KIAA0232: variants seen among roughly 807,000 people sequenced by gnomAD.
KIAA0232 encodes uncharacterized protein KIAA0232.
KIAA0232 carries 27 observed loss-of-function variants against 122.0 expected under a neutral mutation model. The observed-to-expected ratio is 0.22, with a 90% CI of 0.16 to 0.31. The LOEUF (loss-of-function observed/expected upper bound fraction) is 0.31, where lower values mean the gene tolerates loss of function less well. KIAA0232 is among the 10% of genes least tolerant of loss of function. KIAA0232 has a pLI of 1.00. For missense variants in KIAA0232, 1,551 were observed against 1,634.2 expected (o/e 0.95, Z 0.88); for synonymous variants, 613 against 587.6 (o/e 1.04, Z -0.63).
intron 1 of KIAA0232, among the ~76,000 whole-genome samples, chr4:6,784,797 G>T (rs1716541761): frequency 6.6e-6 from 1 of 152,114 alleles, no homozygotes; most frequent in African/African-American, 2.4e-5. Flanking sequence ...ATTTCCATAG[G>T]AAGTAGAATT....
At chr4:6,844,219 C>T (rs972219064) in intron 4 of KIAA0232, among the ~76,000 whole-genome samples, 10 of 151,762 alleles carry the variant, frequency 6.6e-5, no homozygotes, top group Non-Finnish European at 1.2e-4. Flanking sequence ...GGATTACAGG[C>T]GTGAGCCACC....
rs1458330396 is a variant in KIAA0232 at position 6,864,053 on chromosome 4, A to G, written c.3671A>G (p.Glu1224Gly). 14 of 1,614,094 alleles carry G rather than the reference A, an allele frequency of 8.7e-6. No individual in the cohort carries two copies. Among genetic ancestry groups the G allele is most frequent in the Non-Finnish European group, 1.2e-5 (14 of 1,180,038 alleles). The change falls in exon 7 of 10, where the codon GAA becomes GGA. Residue 1224 changes from glutamate (E) to glycine (G), a missense_variant. Glu to Gly is a moderately conservative substitution (Grantham distance 98). Coordinates refer to ENST00000307659, the MANE Select transcript of KIAA0232 (RefSeq NM_014743.3). The stretch of plus-strand genomic sequence containing the variant: ...AATGAATCCCTGGAAATAGATTTAG[A>G]AAGCTCAGAAGCAAATTGTAAAATA... The part of the protein sequence containing the change: ...SMNESLEIDL[E>G]SSEANCKIMA...
intron 2 of KIAA0232, among the ~76,000 whole-genome samples, chr4:6,807,206 C>G (rs1717674366): frequency 6.6e-6 from 1 of 152,170 alleles, no homozygotes; most frequent in South Asian, 2.1e-4. Context: ...AGCTTTTCTT[C>G]CTTATCTTTT....
chr4:6,856,073 T>A (rs1343834497), intron 4 of KIAA0232, among the ~76,000 whole-genome samples: 1 of 152,166 alleles, frequency 6.6e-6, no homozygotes, highest in African/African-American at 2.4e-5. Context: ...TCTAGATGTT[T>A]ACAATTAACT....
At chr4:6,879,727 C>G (rs1422387624) in intron 9 of KIAA0232, among the ~76,000 whole-genome samples, 2 of 152,146 alleles carry the variant, frequency 1.3e-5, no homozygotes, top group Non-Finnish European at 2.9e-5. Flanking sequence ...GGAGACAGTC[C>G]GACACCACAG....
chr4:6,796,114 G>A (rs1338381602), intron 1 of KIAA0232, among the ~76,000 whole-genome samples: 1 of 152,160 alleles, frequency 6.6e-6, no homozygotes. Flanking sequence ...ATTAGAACTT[G>A]AGTAAAAGGA....
At chr4:6,866,359 G>A (rs528282332) in intron 7 of KIAA0232, 62 of 265,162 alleles carry the variant, frequency 2.3e-4, no homozygotes, top group Middle Eastern at 1.9e-3. Context: ...GGGATTGTCT[G>A]ATAGTTTAGA....
intron 3 of KIAA0232, among the ~76,000 whole-genome samples, chr4:6,829,631 T>G (rs1718866463): frequency 1.3e-5 from 2 of 152,218 alleles, no homozygotes; most frequent in Admixed American, 6.5e-5. Flanking sequence ...TCCCACAGCC[T>G]GAAAGTGAAT....
chr4:6,790,964 G>C (rs1716867574), intron 1 of KIAA0232, among the ~76,000 whole-genome samples: 1 of 142,838 alleles, frequency 7.0e-6, no homozygotes, highest in African/African-American at 2.6e-5. Context: ...TGTCACCCAG[G>C]CTGGAGTCCA....
In KIAA0232 at chr4:6,862,453, T is replaced by G; in HGVS notation, c.2071T>G (p.Trp691Gly). The stretch of plus-strand genomic sequence containing the variant: ...GAAAACACAGTCTAGATTGCTAATA[T>G]GGACCAAAAATAGTGCCTTTGAAGA... ...LGKTQSRLLI[W>G]TKNSAFEENE... Residue 691 changes from tryptophan (W) to glycine (G), a missense_variant, in exon 7 of 10, where the codon TGG (tryptophan) becomes GGG (glycine). Coordinates refer to ENST00000307659, the MANE Select transcript of KIAA0232 (RefSeq NM_014743.3). 1.2e-6 allele frequency: 2 copies of G among 1,614,174 alleles called. No homozygotes were observed. Among genetic ancestry groups the G allele is most frequent in the Non-Finnish European group, 1.7e-6 (2 of 1,180,032 alleles).
chr4:6,826,851 T>TA (rs1037351966), intron 3 of KIAA0232, among the ~76,000 whole-genome samples: 38 of 152,182 alleles, frequency 2.5e-4, no homozygotes, highest in African/African-American at 9.2e-4. Context: ...ACATATAGGA[T>TA]AAAACAGGCC....
At chr4:6,876,902 T>C in intron 9 of KIAA0232, 145 bp downstream of exon 9, 1 of 615,182 alleles carries the variant, frequency 1.6e-6, no homozygotes, top group Non-Finnish European at 2.9e-6. Flanking sequence ...GACTTCCTGT[T>C]CTCTGGCCTT....
chr4:6,810,970 G>A (rs1717850652), intron 2 of KIAA0232, among the ~76,000 whole-genome samples: 1 of 152,182 alleles, frequency 6.6e-6, no homozygotes, highest in Admixed American at 6.5e-5. Flanking sequence ...CACGGATGCA[G>A]AGAAAAGGAA....
At chr4:6,784,061 C>T (rs1458990145) in intron 1 of KIAA0232, among the ~76,000 whole-genome samples, 2 of 152,062 alleles carry the variant, frequency 1.3e-5, no homozygotes, top group East Asian at 3.9e-4. Flanking sequence ...GCCACCTTTC[C>T]GTTTTTGTCC....
chr4:6,818,113 C>T (rs1177281104), intron 2 of KIAA0232, among the ~76,000 whole-genome samples: 2 of 152,044 alleles, frequency 1.3e-5, no homozygotes, highest in African/African-American at 4.8e-5. Flanking sequence ...ATCAAGAATA[C>T]ATTCCCAGGC....
chr4:6,814,352 T>C (rs748727912), intron 2 of KIAA0232, among the ~76,000 whole-genome samples: 4 of 151,854 alleles, frequency 2.6e-5, no homozygotes, highest in Non-Finnish European at 4.4e-5. Flanking sequence ...TAGATTATTA[T>C]AAATGAAGAT....
chr4:6,787,332 G>C lies in KIAA0232; in HGVS notation c.-354+4491G>C, dbSNP rs531198779. 2.0e-5 allele frequency among the ~76,000 whole-genome samples: 3 copies of C among 152,210 alleles called. No homozygotes were observed. The South Asian group carries it at 6.2e-4, about 32-fold the overall frequency. ...GAGGGGGCTTCTTAAAAGAATATTA[G>C]AACTGGATTTGAAAGACTCAGGTTT... On this transcript the variant is annotated intron_variant, in intron 1 of 9. Transcript: ENST00000307659.
chr4:6,858,635 C>T (rs534031891), intron 6 of KIAA0232, 129 bp downstream of exon 6: 10 of 609,592 alleles, frequency 1.6e-5, no homozygotes, highest in Middle Eastern at 2.9e-4. Flanking sequence ...AAACATTTAT[C>T]GAGCGCTTAT....
At position 6,824,554 on chromosome 4, in the gene KIAA0232, A is replaced by G. The variant is rs1477467546; in HGVS notation, c.101A>G (p.His34Arg). ...TCTGTTTCTGAAATGTCTCTGCTTC[A>G]TGCTTTGGGTCCAGTGCAGACCTGG... The part of the protein sequence containing the change: ...PVSVSEMSLL[H>R]ALGPVQTWLG... Residue 34 changes from histidine (H) to arginine (R), a missense_variant, in exon 3 of 10, where the codon CAT becomes CGT. Around this residue, in one of 5 missense-constraint regions of KIAA0232, gnomAD observed 26 missense variants for 52.2 expected, o/e 0.50. Coordinates refer to ENST00000307659, the MANE Select transcript of KIAA0232 (RefSeq NM_014743.3). The G allele has an allele frequency of 2.4e-5, 38 of 1,614,112 alleles. No homozygotes were observed. In the East Asian group the frequency reaches 4.9e-4, roughly 21 times the overall value.
Sources: allele counts gnomAD v4.1 joint callset (sites outside exome capture counted in the v4.1 genomes callset), GRCh38; gene constraint gnomAD v4.1.1; regional missense constraint gnomAD v4.1.1; transcripts MANE v1.5; gene names NCBI Gene and HGNC (gene_info 2026-07-23, HGNC 2026-07-21).